MKS1: variants seen among roughly 807,000 people sequenced by gnomAD.
MKS1 encodes the protein tectonic-like complex member MKS1.
Under a neutral mutation model 83.7 loss-of-function variants are expected in MKS1, and 70 were observed. The observed-to-expected ratio is 0.84, with a 90% confidence interval of 0.69 to 1.02. MKS1 has a LOEUF of 1.02. MKS1 is among the 50% of genes least tolerant of loss of function. MKS1 has a pLI of 0.00. For missense variants in MKS1, 681 were observed against 726.9 expected (o/e 0.94, Z 0.73); for synonymous variants, 251 against 273.4 (o/e 0.92, Z 0.81).
At chr17:58,208,919 CG>C (rs1291452734) in intron 11 of MKS1, among the ~76,000 whole-genome samples, 1 of 152,078 alleles carries the variant, frequency 6.6e-6, no homozygotes, top group Non-Finnish European at 1.5e-5. Context: ...CATCTTGCAC[CG>C]CCCTTAATCC....
At chr17:58,218,797 G>T (rs1352420955) in intron 1 of MKS1, 68 bp from the exon 2 acceptor site, 3 of 1,382,466 alleles carry the variant, frequency 2.2e-6, no homozygotes, top group Admixed American at 1.7e-5. Flanking sequence ...AAGCAAGGAT[G>T]GGGGAAACAA....
Position 58,219,152 on chromosome 17 carries a change from G to A in MKS1, c.79C>T (p.Arg27Ter), listed in dbSNP as rs1161451203. Residue 27 changes from arginine to a stop codon, truncating the protein, a stop_gained and splice_region_variant, in exon 1 of 18, where the codon CGA becomes TGA. Coordinates refer to ENST00000393119, the MANE Select transcript of MKS1 (RefSeq NM_017777.4). LOFTEE classifies it high-confidence loss of function. ...TCGGGGCTGGGGCGGTGCGACTACC[G>A]GAGGCGCAAGTTGCGCACGGGGTCC... ...SRDPVRNLRLRVHLQRITSSN... is the reference protein window; with the variant it reads ...SRDPVRNLRL 2.6e-6 allele frequency: 4 copies of A among 1,551,064 alleles called. No individual in the cohort carries two copies. In the African/African-American group the frequency reaches 5.5e-5, roughly 21 times the overall value.
In MKS1 at chr17:58,218,617, C is replaced by T. The variant is rs756378008; in HGVS notation, c.190+3G>A. ...GATGGCACATCACCACCGTAACACC[C>T]ACTGGCAGTTGGCTGAGGCCTAAAA... On this transcript the variant is annotated splice_donor_region_variant and intron_variant, in intron 2 of 17. Transcript: ENST00000393119. 2 of 1,592,780 alleles carry T rather than the reference C, an allele frequency of 1.3e-6. No homozygotes were observed. Among genetic ancestry groups the T allele is most frequent in the Non-Finnish European group, 1.7e-6 (2 of 1,160,676 alleles).
rs950609840 is a variant in MKS1, at chr17:58,208,157, G to A, written c.1113C>T (p.Phe371=). 3 of 1,613,096 alleles carry A rather than the reference G, an allele frequency of 1.9e-6. No individual in the cohort carries two copies. The African/African-American group carries it at 4.0e-5, about 22-fold the overall frequency. The change falls in exon 13 of 18, where the codon TTC becomes TTT. Residue 371 remains phenylalanine (F), a synonymous_variant. Coordinates refer to ENST00000393119, the MANE Select transcript of MKS1 (RefSeq NM_017777.4). ...KSLAMDKVAH[F]SYPFTFEAFF... Reference sequence around the variant, plus strand: ...AGGCTTCAAACGTGAATGGGTAGGAGAAGTGAGCCACCTTGTCCTATAAAA... The same window carrying A: ...AGGCTTCAAACGTGAATGGGTAGGAAAAGTGAGCCACCTTGTCCTATAAAA...
rs750597104 is a variant in MKS1 at position 58,213,045 on chromosome 17, G to A, written c.795C>T (p.Ile265=). The change falls in exon 8 of 18, where the codon ATC becomes ATT. Residue 265 remains isoleucine (I), a synonymous_variant. Coordinates refer to ENST00000393119, the MANE Select transcript of MKS1 (RefSeq NM_017777.4). ...GEKQELWKYT[I]DNVSPHAQPE... ...GCTGTGCGTGGGGGGAAACATTGTC[G>A]ATCGTATATTTCCACAGCTCCTGCT... 3.7e-6 allele frequency: 6 copies of A among 1,613,956 alleles called. No homozygotes were observed. In the South Asian group the frequency reaches 4.4e-5, roughly 12 times the overall value.
Position 58,209,483 on chromosome 17 carries a change from T to C in MKS1, c.1025-900A>G, listed in dbSNP as rs1249865483. 6.6e-6 allele frequency among the ~76,000 whole-genome samples: 1 copy of C among 152,204 alleles called. No homozygotes were observed. The highest frequency in any genetic ancestry group is 1.5e-5 in the Non-Finnish European group (1 of 68,026). On this transcript the variant is annotated intron_variant, in intron 11 of 17. Transcript: ENST00000393119. This position sits in a 1 kb window ranked among gnomAD's most constrained non-coding sequence, Gnocchi z 4.1. ...ACTAAAAACAAAACGGGGAAGGGAC[T>C]GAGTGATTGGGAGGCTCATTTAGAC...
At chr17:58,217,786 G>A (rs920070271) in intron 2 of MKS1, among the ~76,000 whole-genome samples, 9 of 152,188 alleles carry the variant, frequency 5.9e-5, no homozygotes, top group Non-Finnish European at 1.2e-4. Context: ...AGCCTGAGCA[G>A]AAGAATGAGA....
rs786204222 is a variant in MKS1, at chr17:58,216,694, A to G, written c.233T>C (p.Ile78Thr). 6.2e-7 allele frequency: 1 copy of G among 1,614,084 alleles called. No homozygotes were observed. Residue 78 changes from isoleucine to threonine, a missense_variant, in exon 3 of 18, where the codon ATT (isoleucine) becomes ACT (threonine). This residue lies in a region of MKS1 where 365 missense variants were observed against 383.8 expected (regional missense o/e 0.95). Coordinates refer to ENST00000393119, the MANE Select transcript of MKS1 (RefSeq NM_017777.4). The part of the protein sequence containing the change: ...PEEDEEEEIV[I>T]GWQEKLFSQF... ...GCTAAAGAGCTTCTCCTGCCACCCAATCACAATCTCCTCCTCTTCGTCTTC... is the reference window on the plus strand; with the variant it reads ...GCTAAAGAGCTTCTCCTGCCACCCAGTCACAATCTCCTCCTCTTCGTCTTC...
chr17:58,218,980 G>A (rs1969426865), intron 1 of MKS1, among the ~76,000 whole-genome samples, 171 bp downstream of exon 1: 1 of 152,174 alleles, frequency 6.6e-6, no homozygotes, highest in Admixed American at 6.5e-5. Flanking sequence ...TCTGTAAGGG[G>A]TTCTTAGAGG....
Position 58,208,126 on chromosome 17 carries a change from GGAA to G in MKS1, c.1141_1143del (p.Phe381del). On this transcript the variant is annotated inframe_deletion, in exon 13 of 18. Coordinates refer to ENST00000393119, the MANE Select transcript of MKS1 (RefSeq NM_017777.4). ...TCACCAGAAGATTCATCCTCATGGAGGAAGAAGGCTTCAAACGTGAATGGGTAG... is the reference window on the plus strand; with the variant it reads ...TCACCAGAAGATTCATCCTCATGGAGGAAGGCTTCAAACGTGAATGGGTAG... 6.2e-7 allele frequency: 1 copy of G among 1,613,904 alleles called. No individual in the cohort carries two copies. The highest frequency in any genetic ancestry group is 2.2e-5 in the East Asian group (1 of 44,888).
At chr17:58,214,715 G>T in intron 5 of MKS1, 26 bp downstream of exon 5, 2 of 1,594,830 alleles carry the variant, frequency 1.3e-6, no homozygotes, top group Non-Finnish European at 1.7e-6. Flanking sequence ...GTAAAAGCTT[G>T]TCCCCCATCC....
At chr17:58,206,750 C>CGCCG in intron 15 of MKS1, 1 of 678,820 alleles carries the variant, frequency 1.5e-6, no homozygotes, top group Admixed American at 2.3e-5. Flanking sequence ...AACATTCCAA[C>CGCCG]CTCATTTGAG....
chr17:58,210,529 G>A (rs1226593154), intron 11 of MKS1, 130 bp downstream of exon 11: 2 of 952,546 alleles, frequency 2.1e-6, no homozygotes, highest in African/African-American at 1.6e-5. Flanking sequence ...GTTTGGTAAA[G>A]TGGATGTGAT....
chr17:58,211,332 G>A (rs1305531465), intron 9 of MKS1, among the ~76,000 whole-genome samples: 2 of 152,216 alleles, frequency 1.3e-5, no homozygotes, highest in East Asian at 1.9e-4. Context: ...CCCTTTAGAT[G>A]GCTGAGGTCA....
intron 12 of MKS1, 123 bp from the exon 13 acceptor site, chr17:58,208,297 G>C (rs767456088): frequency 9.9e-7 from 1 of 1,014,144 alleles, no homozygotes; most frequent in African/African-American, 1.6e-5. Context: ...GGAAATAGGA[G>C]TCTGAGATGC....
intron 8 of MKS1, 109 bp downstream of exon 8, chr17:58,212,873 T>C: frequency 9.2e-7 from 1 of 1,081,590 alleles, no homozygotes; most frequent in Admixed American, 1.7e-5. Flanking sequence ...GAAGGGGCCA[T>C]GAAGGGCAAG....
At position 58,208,515 on chromosome 17, in the gene MKS1, T is replaced by C. The variant is rs750926734; in HGVS notation, c.1093A>G (p.Met365Val). 2.0e-5 allele frequency: 32 copies of C among 1,613,844 alleles called. No homozygotes were observed. Among genetic ancestry groups the C allele is most frequent in the Non-Finnish European group, 2.7e-5 (32 of 1,179,826 alleles). ...TQTCTTKSLA[M>V]DKVAHFSYPF... ...ATACCCGCTCTCATTCTCCATACCA[T>C]TGCCAGGGACTTGGTGGTGCAGGTC... The change falls in exon 12 of 18, where the codon ATG (methionine) becomes GTG (valine). Residue 365 changes from methionine (M) to valine (V), a missense_variant and splice_region_variant. Met to Val is a conservative substitution (Grantham distance 21). Around this residue, in one of 3 missense-constraint regions of MKS1, gnomAD observed 310 missense variants for 321.7 expected, o/e 0.96. Coordinates refer to ENST00000393119, the MANE Select transcript of MKS1 (RefSeq NM_017777.4).
Position 58,216,688 on chromosome 17 carries a change from C to T in MKS1, c.239G>A (p.Trp80Ter). Residue 80 changes from tryptophan (W) to a stop codon, truncating the protein, a stop_gained, in exon 3 of 18, where the codon TGG becomes TAG. Coordinates refer to ENST00000393119, the MANE Select transcript of MKS1 (RefSeq NM_017777.4). LOFTEE classifies it high-confidence loss of function. ...CACCTGGCTAAAGAGCTTCTCCTGC[C>T]ACCCAATCACAATCTCCTCCTCTTC... ...EDEEEEIVIG[W>*]QEKLFSQFEV... 1 of 1,614,222 alleles carries T rather than the reference C, an allele frequency of 6.2e-7. No homozygotes were observed. Among genetic ancestry groups the T allele is most frequent in the Non-Finnish European group, 8.5e-7 (1 of 1,180,034 alleles).
intron 6 of MKS1, 102 bp downstream of exon 6, chr17:58,214,157 C>G: frequency 1.3e-6 from 2 of 1,558,658 alleles, no homozygotes; most frequent in Admixed American, 1.7e-5. Context: ...AGAAAAAGTC[C>G]CTCCCTCCCC....
Sources: gnomAD v4.1 joint callset for allele counts (sites outside exome capture counted in the v4.1 genomes callset) on GRCh38, gnomAD v4.1.1 for gene constraint, gnomAD v4.1.1 regional missense constraint, Gnocchi (gnomAD v3.1) non-coding constraint, MANE v1.5 for transcripts, NCBI Gene and HGNC (gene_info 2026-07-23, HGNC 2026-07-21) for gene names.